UNC93A: variants seen among roughly 807,000 people sequenced by gnomAD.
UNC93A encodes the protein unc-93 homolog A.
A neutral mutation model predicts 47.5 loss-of-function variants in UNC93A; 43 were observed. That is an observed-to-expected ratio of 0.91 (90% CI 0.71 to 1.17). The LOEUF (loss-of-function observed/expected upper bound fraction) is 1.17, where lower values mean the gene tolerates loss of function less well. Among genes scored for constraint, UNC93A ranks in the 50% most tolerant of loss-of-function variants. UNC93A has a pLI of 0.00. For synonymous variants in UNC93A, 280 were observed against 258.0 expected, an observed-to-expected ratio of 1.09 and a Z score of -0.82; for missense variants, 605 against 577.6, an observed-to-expected ratio of 1.05 and a Z score of -0.49.
intron 1 of UNC93A, among the ~76,000 whole-genome samples, chr6:167,293,292 T>C (rs982479941): frequency 2.6e-5 from 4 of 152,118 alleles, no homozygotes; most frequent in African/African-American, 7.2e-5. Flanking sequence ...ATGTCAGCCC[T>C]TCCTTCTCAA....
rs533592201 is a variant in UNC93A at position 167,281,592 on chromosome 6, A to G, written c.-51-9847A>G. ...CAGCAACTCCACAAAACGCCCATAA[A>G]TTGTGTATCTTTTTACAACGTAGCC... is the stretch of plus-strand genomic sequence containing the variant. On this transcript the variant is annotated intron_variant, in intron 1 of 3. Transcript: ENST00000503433. Among the ~76,000 whole-genome samples the G allele has an allele frequency of 7.2e-5, 11 of 152,256 alleles. No individual in the cohort carries two copies. The South Asian group carries it at 2.1e-3, about 29-fold the overall frequency.
intron 1 of UNC93A, among the ~76,000 whole-genome samples, chr6:167,292,630 A>G (rs997848896): frequency 1.3e-5 from 2 of 152,192 alleles, no homozygotes; most frequent in African/African-American, 4.8e-5. Context: ...AGTGGAAGGG[A>G]ACACAGTCTC....
chr6:167,296,426 G>T (rs1778090727), intron 3 of UNC93A, among the ~76,000 whole-genome samples, 165 bp downstream of exon 3: 1 of 152,204 alleles, frequency 6.6e-6, no homozygotes, highest in Admixed American at 6.5e-5. Flanking sequence ...CTTCAGAGTT[G>T]CCTGTTACCT....
rs758223573 is a variant in UNC93A, at chr6:167,307,887, C to G, written c.1085C>G (p.Ala362Gly). 9.3e-6 allele frequency: 15 copies of G among 1,613,720 alleles called. No homozygotes were observed. The highest frequency in any genetic ancestry group is 1.3e-5 in the Non-Finnish European group (15 of 1,179,820). ...VFSGLWGVAD[A>G]VWQTQNNALY... ...TCTGGCCTGTGGGGCGTGGCAGATG[C>G]CGTCTGGCAGACACAAAACAATGGT... The change falls in exon 7 of 8, where the codon GCC becomes GGC. Residue 362 changes from alanine to glycine, a missense_variant. Ala to Gly is a moderately conservative substitution (Grantham distance 60). Transcript: ENST00000230256.
chr6:167,290,833 C>A (rs1369856339), upstream of UNC93A, among the ~76,000 whole-genome samples: 1 of 152,158 alleles, frequency 6.6e-6, no homozygotes, highest in African/African-American at 2.4e-5. Flanking sequence ...TTGTTGGTAA[C>A]ATGAAATAAT....
Position 167,295,709 on chromosome 6 carries a change from CCCTCGTGCTCCTCGCCTT to C in UNC93A, c.270-305_270-288del, listed in dbSNP as rs1562350619. ...CTCGCCTGCCTCGTGCTCCTCGCCT[CCCTCGTGCTCCTCGCCTT>C]CCTCGTGCTCCTCGCCTCCCTCGTG... On this transcript the variant is annotated intron_variant, in intron 2 of 7. Coordinates refer to ENST00000230256, the MANE Select transcript of UNC93A (RefSeq NM_018974.4). 4.4e-4 allele frequency among the ~76,000 whole-genome samples: 33 copies of C among 74,240 alleles called. 3 individuals carry two copies. Among genetic ancestry groups the C allele is most frequent in the Middle Eastern group, 6.4e-3 (1 of 156 alleles). The allele number at this position is 74,240 out of a possible 152,430, so 48.7% of individuals were successfully genotyped here.
rs1290877509 is a variant in UNC93A at position 167,315,571 on chromosome 6, G to A, written c.*119G>A. On this transcript the variant is annotated 3_prime_UTR_variant, in exon 8 of 8. Coordinates refer to ENST00000230256, the MANE Select transcript of UNC93A (RefSeq NM_018974.4). ...CATCTCAGCACAATTTGGCCATTCT[G>A]AAGAGATCATGTTATTTCACTCTTC... The A allele has an allele frequency of 1.5e-5, 21 of 1,391,468 alleles. No homozygotes were observed. The highest frequency in any genetic ancestry group is 1.8e-5 in the Non-Finnish European group (18 of 1,021,022). The allele number at this position is 1,391,468 out of a possible 1,614,324, so 86.2% of individuals were successfully genotyped here.
At chr6:167,276,430 A>AT (rs34948065) in intron 1 of UNC93A, among the ~76,000 whole-genome samples, 1 of 151,998 alleles carries the variant, frequency 6.6e-6, no homozygotes, top group African/African-American at 2.4e-5. Context: ...TCTCCATACT[A>AT]TTTTTTATAG....
chr6:167,302,089 A>G (rs541120153), intron 4 of UNC93A, among the ~76,000 whole-genome samples: 2 of 152,370 alleles, frequency 1.3e-5, no homozygotes, highest in South Asian at 4.1e-4. Flanking sequence ...AACGGAAAGT[A>G]AAGCCTAGAA....
intron 7 of UNC93A, among the ~76,000 whole-genome samples, chr6:167,310,895 G>A (rs905479077): frequency 6.6e-6 from 1 of 152,098 alleles, no homozygotes; most frequent in African/African-American, 2.4e-5. Flanking sequence ...AAAAAATGTT[G>A]GGGAAAATAT....
At chr6:167,289,903 A>G (rs1783812173), upstream of UNC93A, among the ~76,000 whole-genome samples, 1 of 152,176 alleles carries the variant, frequency 6.6e-6, no homozygotes, top group Non-Finnish European at 1.5e-5. Context: ...ATATTATTCT[A>G]ATTTGTATTG....
intron 7 of UNC93A, among the ~76,000 whole-genome samples, chr6:167,309,103 G>C (rs1316862134): frequency 6.6e-6 from 1 of 152,124 alleles, no homozygotes; most frequent in African/African-American, 2.4e-5. Context: ...CGTTGCACCT[G>C]TAATCCCAGC....
upstream of UNC93A, among the ~76,000 whole-genome samples, chr6:167,286,523 A>T (rs566086322): frequency 6.6e-6 from 1 of 152,338 alleles, no homozygotes; most frequent in South Asian, 2.1e-4. Flanking sequence ...GTCACCCAGG[A>T]TGGCATTATC....
intron 7 of UNC93A, 123 bp from the exon 8 acceptor site, chr6:167,315,064 G>GA (rs555143419): frequency 2.1e-6 from 3 of 1,421,040 alleles, no homozygotes; most frequent in Middle Eastern, 2.6e-4. Flanking sequence ...ATTCTGTTGT[G>GA]AAAAAAGAAA....
chr6:167,272,869 G>A (rs1443542910), intron 1 of UNC93A, among the ~76,000 whole-genome samples: 1 of 152,162 alleles, frequency 6.6e-6, no homozygotes, highest in Non-Finnish European at 1.5e-5. Flanking sequence ...CTTATCAGAG[G>A]TAAGGTCTGT....
At chr6:167,307,082 CT>C (rs1472761014) in intron 6 of UNC93A, among the ~76,000 whole-genome samples, 4 of 152,174 alleles carry the variant, frequency 2.6e-5, no homozygotes, top group African/African-American at 9.7e-5. Context: ...GTCCTACCCC[CT>C]GGCTACTCGG....
Position 167,315,268 on chromosome 6 carries a change from T to G in UNC93A, c.1190T>G (p.Ile397Ser), listed in dbSNP as rs200765194. 183 of 1,613,624 alleles carry G rather than the reference T, an allele frequency of 1.1e-4. No homozygotes were observed. The highest frequency in any genetic ancestry group is 1.4e-4 in the Non-Finnish European group (168 of 1,179,846). The change falls in exon 8 of 8, where the codon ATT becomes AGT. Residue 397 changes from isoleucine to serine, a missense_variant. By Grantham distance (142) the Ile-to-Ser change is moderately radical (BLOSUM62 -2). Transcript: ENST00000230256. The stretch of plus-strand genomic sequence containing the variant: ...CTGTGGGAGGCCCTGGGCTTCGTCA[T>G]TGCCTTCGGGTACAGCATGTTTTTG... ...YRLWEALGFV[I>S]AFGYSMFLCV...
At chr6:167,295,572 GAT>G (rs1778050183) in intron 2 of UNC93A, among the ~76,000 whole-genome samples, 1 of 93,394 alleles carries the variant, frequency 1.1e-5, no homozygotes, top group African/African-American at 6.3e-5. Flanking sequence ...CCTCCCTCGT[GAT>G]CCTCGCCTGC....
chr6:167,297,837 C>A, intron 3 of UNC93A, 108 bp from the exon 4 acceptor site: 1 of 1,420,938 alleles, frequency 7.0e-7, no homozygotes, highest in Non-Finnish European at 9.6e-7. Context: ...AGTGATGCCT[C>A]CCCCCAGGTG....
Sources: gnomAD v4.1 joint callset for allele counts (sites outside exome capture counted in the v4.1 genomes callset) on GRCh38, gnomAD v4.1.1 for gene constraint, MANE v1.5 for transcripts, NCBI Gene and HGNC (gene_info 2026-07-23, HGNC 2026-07-21) for gene names.